RGS3: variants seen among roughly 807,000 people sequenced by gnomAD.
The protein encoded by RGS3 is regulator of G-protein signalling 3.
Under a neutral mutation model 132.6 loss-of-function variants are expected in RGS3, and 80 were observed. That is an observed-to-expected ratio of 0.60 (90% CI 0.50 to 0.73). The LOEUF (loss-of-function observed/expected upper bound fraction) is 0.73. RGS3 is among the 30% of genes least tolerant of loss of function. The pLI is 0.00. For missense variants in RGS3, 1,382 were observed against 1,530.8 expected (o/e 0.90, Z 1.62); for synonymous variants, 598 against 620.6 (o/e 0.96, Z 0.54).
chr9:113,510,087 C>A (rs7864069), intron 14 of RGS3, among the ~76,000 whole-genome samples: 1 of 151,812 alleles, frequency 6.6e-6, no homozygotes, highest in Non-Finnish European at 1.5e-5. Flanking sequence ...CTCTCACCCC[C>A]CTCCCATCCT....
At chr9:113,593,587 G>A (rs772758226) in intron 21 of RGS3, 9 of 321,728 alleles carry the variant, frequency 2.8e-5, no homozygotes, top group Non-Finnish European at 4.6e-5. Context: ...GGGTCCTGCT[G>A]TATATTCATG....
chr9:113,501,546 TG>T lies in RGS3; in HGVS notation c.897+3470del, dbSNP rs1564492757. 3.9e-6 allele frequency: 6 copies of T among 1,538,890 alleles called. No individual in the cohort carries two copies. The Admixed American group carries it at 1.2e-4, about 30-fold the overall frequency. On this transcript the variant is annotated intron_variant, in intron 10 of 24. Transcript: ENST00000350696. ...CTGCTGGGGGAGAGCTGGGTTTTCA[TG>T]GGGCGGCAGCCGAGGCAGGACCCGC...
At position 113,560,490 on chromosome 9, in the gene RGS3, C is replaced by T. The variant is rs535489266; in HGVS notation, c.2038-22960C>T. Reference sequence around the variant, plus strand: ...AGGCCAAAACACAGCATGGCAGCCCCCGTTTGCAGCATCAGCGGCTTCATC... The same window carrying T: ...AGGCCAAAACACAGCATGGCAGCCCTCGTTTGCAGCATCAGCGGCTTCATC... On this transcript the variant is annotated intron_variant, in intron 19 of 24. Transcript: ENST00000350696. Among the ~76,000 whole-genome samples, 10 of 152,322 alleles carry T rather than the reference C, an allele frequency of 6.6e-5. No individual in the cohort carries two copies. The East Asian group carries it at 1.9e-3, about 29-fold the overall frequency.
chr9:113,515,838 G>T (rs118152860), intron 15 of RGS3, among the ~76,000 whole-genome samples: 2,349 of 152,216 alleles, frequency 0.015, 18 homozygotes, highest in Admixed American at 0.022. Context: ...GTGTTTTACG[G>T]TGGTTGCCCA....
chr9:113,541,177 C>A, intron 19 of RGS3: 1 of 792,908 alleles, frequency 1.3e-6, no homozygotes, highest in Non-Finnish European at 2.0e-6. Flanking sequence ...GCCACCTTGT[C>A]ATCTCCACTG....
At chr9:113,560,299 C>T (rs947771915) in intron 19 of RGS3, among the ~76,000 whole-genome samples, 1 of 152,146 alleles carries the variant, frequency 6.6e-6, no homozygotes, top group Non-Finnish European at 1.5e-5. Flanking sequence ...GGCCACAAAC[C>T]ACAGCTCCCT....
intron 3 of RGS3, among the ~76,000 whole-genome samples, chr9:113,473,293 T>A (rs974698072): frequency 2.6e-5 from 4 of 152,206 alleles, no homozygotes; most frequent in African/African-American, 9.6e-5. Context: ...ATGATAGGTA[T>A]AGAGAGGCTA....
chr9:113,574,054 G>T (rs757890016), intron 19 of RGS3, among the ~76,000 whole-genome samples: 1 of 152,184 alleles, frequency 6.6e-6, no homozygotes, highest in Non-Finnish European at 1.5e-5. Context: ...TCATAGGATT[G>T]TTGGAAGTAG....
At chr9:113,488,779 G>A (rs1830415570) in intron 7 of RGS3, among the ~76,000 whole-genome samples, 3 of 152,366 alleles carry the variant, frequency 2.0e-5, no homozygotes, top group South Asian at 4.1e-4. Flanking sequence ...GGAGCAGAGG[G>A]CCCTGTGAAG....
intron 19 of RGS3, among the ~76,000 whole-genome samples, chr9:113,549,369 G>A (rs772602783): frequency 3.3e-5 from 5 of 152,228 alleles, no homozygotes; most frequent in Non-Finnish European, 7.3e-5. Context: ...CAGTGAACAT[G>A]TATCTGACTT....
rs116781596 is a variant in RGS3, at chr9:113,527,223, C to T, written c.1871-1998C>T. Among the ~76,000 whole-genome samples the T allele has an allele frequency of 4.6e-3, 695 of 152,324 alleles. 2 individuals are homozygous for T. Among genetic ancestry groups the T allele is most frequent in the African/African-American group, 0.015 (634 of 41,568 alleles). On this transcript the variant is annotated intron_variant, in intron 17 of 24. Coordinates refer to ENST00000350696, the Ensembl canonical transcript of RGS3. The stretch of plus-strand genomic sequence containing the variant: ...GGAAATATGTCTCAGGGAGTGTTCC[C>T]CCAACCTCAGCCTCCTATTTCCCTG...
At chr9:113,460,386 G>GC (rs772437197) in intron 1 of RGS3, 16 of 235,840 alleles carry the variant, frequency 6.8e-5, no homozygotes, top group Non-Finnish European at 1.2e-4. Flanking sequence ...GGGCGTGTTG[G>GC]CGGGTGCCTG....
In RGS3 at chr9:113,507,620, G is replaced by A. The variant is rs1223293922; in HGVS notation, c.1419G>A (p.Pro473=). Residue 473 remains proline (P), a synonymous_variant, in exon 13 of 25, where the codon CCG becomes CCA. Coordinates refer to ENST00000350696, the Ensembl canonical transcript of RGS3. This position sits in a 1 kb window ranked among gnomAD's most constrained non-coding sequence, Gnocchi z 5.0. Reference sequence around the variant, plus strand: ...ACCCCAACTACATCATCCTGGCCCCGCTGAATCCTGGGAGCCAGGTACGGA... The same window carrying A: ...ACCCCAACTACATCATCCTGGCCCCACTGAATCCTGGGAGCCAGGTACGGA... 7 of 1,472,396 alleles carry A rather than the reference G, an allele frequency of 4.8e-6. No homozygotes were observed. The highest frequency in any genetic ancestry group is 4.9e-5 in the East Asian group (2 of 41,186). 91.2% of individuals were successfully genotyped at this position (1,472,396 alleles called of 1,614,324 possible).
intron 19 of RGS3, chr9:113,580,913 T>G (rs565504677): frequency 1.4e-4 from 139 of 984,762 alleles, no homozygotes; most frequent in Non-Finnish European, 1.2e-4. Context: ...TGCGGCCCGC[T>G]CCCCACTCAG....
intron 20 of RGS3, among the ~76,000 whole-genome samples, chr9:113,590,343 ATCC>A: frequency 6.7e-6 from 1 of 149,470 alleles, no homozygotes; most frequent in African/African-American, 2.5e-5. Flanking sequence ...CCACTCCTTC[ATCC>A]ATCCACCCAC....
rs759974735 is a variant in RGS3 at position 113,495,862 on chromosome 9, G to T, written c.750+16G>T. ...TCCAGACAAGGTGGGTCCTAGGGAT[G>T]CTTCTGTCAGGATCATCCCAACTGG... On this transcript the variant is annotated intron_variant, in intron 8 of 24. Transcript: ENST00000350696. 7.4e-6 allele frequency: 12 copies of T among 1,611,292 alleles called. No homozygotes were observed. The East Asian group carries it at 2.5e-4, about 33-fold the overall frequency.
In RGS3 at chr9:113,579,495, G is replaced by A. The variant is rs1588281928; in HGVS notation, c.2038-3955G>A. 6.6e-6 allele frequency among the ~76,000 whole-genome samples: 1 copy of A among 152,218 alleles called. No homozygotes were observed. The highest frequency in any genetic ancestry group is 1.9e-4 in the East Asian group (1 of 5,200). On this transcript the variant is annotated intron_variant, in intron 19 of 24. Coordinates refer to ENST00000350696, the Ensembl canonical transcript of RGS3. This position sits in a 1 kb window ranked among gnomAD's most constrained non-coding sequence, Gnocchi z 4.3. Reference sequence around the variant, plus strand: ...GGTCCAGCCAAGCCAAAGAAGTGATGGATGGGAAAGACACAGACCCCCACC... The same window carrying A: ...GGTCCAGCCAAGCCAAAGAAGTGATAGATGGGAAAGACACAGACCCCCACC...
chr9:113,474,081 A>T (rs1159871793), intron 3 of RGS3, among the ~76,000 whole-genome samples: 1 of 152,084 alleles, frequency 6.6e-6, no homozygotes, highest in African/African-American at 2.4e-5. Flanking sequence ...TTATCAAGAG[A>T]CTGAATGCTA....
intron 20 of RGS3, among the ~76,000 whole-genome samples, chr9:113,589,690 T>G (rs887709475): frequency 2.6e-5 from 4 of 152,220 alleles, no homozygotes; most frequent in African/African-American, 9.6e-5. Flanking sequence ...GCAGCCTGTA[T>G]GTGCACTGAA....
Sources: gnomAD v4.1 joint callset for allele counts (sites outside exome capture counted in the v4.1 genomes callset) on GRCh38, gnomAD v4.1.1 for gene constraint, Gnocchi (gnomAD v3.1) non-coding constraint, MANE v1.5 for transcripts, NCBI Gene and HGNC (gene_info 2026-07-23, HGNC 2026-07-21) for gene names.